Variants in ADAMTS9 observed in about 807,000 individuals in gnomAD.
ADAMTS9 encodes A disintegrin and metalloproteinase with thrombospondin motifs 9.
A neutral mutation model predicts 257.1 loss-of-function variants in ADAMTS9; 107 were observed. That is an observed-to-expected ratio of 0.42 (90% CI 0.36 to 0.49). The LOEUF is 0.49. ADAMTS9 is among the 20% of genes least tolerant of loss of function. The probability of loss-of-function intolerance (pLI) is 0.03; values close to 1 mark genes in which losing one functional copy is unlikely to be tolerated. For synonymous variants in ADAMTS9, 982 were observed against 880.9 expected (o/e 1.11, Z -2.03); for missense variants, 2,353 against 2,469.1 (o/e 0.95, Z 1.00).
Position 64,681,152 on chromosome 3 carries a change from T to G in ADAMTS9, c.679+49A>C, listed in dbSNP as rs151187630. The G allele has an allele frequency of 2.0e-4, 309 of 1,575,858 alleles. 2 individuals are homozygous for G. In the East Asian group the frequency reaches 6.1e-3, roughly 31 times the overall value. On this transcript the variant is annotated intron_variant, in intron 3 of 39. Coordinates refer to ENST00000498707, the MANE Select transcript of ADAMTS9 (RefSeq NM_182920.2). ...AGCTACATCTCTGTAGTATAGCAAT[T>G]TACCCATCTCAAAGAGCTGGGCTCT...
At position 64,541,186 on chromosome 3, in the gene ADAMTS9, G is replaced by A. The variant is rs140385164; in HGVS notation, c.5430C>T (p.Arg1810=). 1.4e-5 allele frequency: 23 copies of A among 1,614,014 alleles called. No individual in the cohort carries two copies. Among genetic ancestry groups the A allele is most frequent in the East Asian group, 2.2e-5 (1 of 44,888 alleles). ...PTECPYNGSR[R]DDCQCRKDYT... ...AATCCTTCCGACATTGGCAGTCATC[G>A]CGCCGGCTCCCGTTATAGGGACATT... The change falls in exon 36 of 40, where the codon CGC becomes CGT. Residue 1810 remains arginine (R), a synonymous_variant. Coordinates refer to ENST00000498707, the MANE Select transcript of ADAMTS9 (RefSeq NM_182920.2).
chr3:64,680,474 A>G (rs991799455), intron 3 of ADAMTS9, among the ~76,000 whole-genome samples: 1 of 152,186 alleles, frequency 6.6e-6, no homozygotes, highest in African/African-American at 2.4e-5. Context: ...TGAGGCAGTG[A>G]AGTGTTGCTA....
chr3:64,520,034 C>G (rs374529058), intron 39 of ADAMTS9, among the ~76,000 whole-genome samples: 1 of 152,076 alleles, frequency 6.6e-6, no homozygotes, highest in Non-Finnish European at 1.5e-5. Context: ...TGATTCTATA[C>G]AAAGAAAACC....
rs551592827 is a variant in ADAMTS9 at position 64,526,810 on chromosome 3, T to C, written c.5719-4550A>G. 2.0e-5 allele frequency among the ~76,000 whole-genome samples: 3 copies of C among 152,328 alleles called. No individual in the cohort carries two copies. In the East Asian group the frequency reaches 5.8e-4, roughly 29 times the overall value. On this transcript the variant is annotated intron_variant, in intron 38 of 39. Transcript: ENST00000498707. ...TTTGCTGTAAAGGAGATAATGCATGTAATGTGCTTAGCATAGTACTTGGCC... is the reference window on the plus strand; with the variant it reads ...TTTGCTGTAAAGGAGATAATGCATGCAATGTGCTTAGCATAGTACTTGGCC...
At chr3:64,565,951 G>A (rs188522062) in intron 29 of ADAMTS9, among the ~76,000 whole-genome samples, 2,040 of 152,240 alleles carry the variant, frequency 0.013, 25 homozygotes, top group Non-Finnish European at 0.022. Context: ...ATCAATACTA[G>A]CAGAGAAACT....
At position 64,687,975 on chromosome 3, in the gene ADAMTS9, G is replaced by C. The variant is rs1464075983; in HGVS notation, c.-318C>G. 1 of 203,588 alleles carries C rather than the reference G, an allele frequency of 4.9e-6. No individual in the cohort carries two copies. The highest frequency in any genetic ancestry group is 9.8e-6 in the Non-Finnish European group (1 of 102,386). The allele number at this position is 203,588 out of a possible 1,614,324, so 12.6% of individuals were successfully genotyped here. On this transcript the variant is annotated 5_prime_UTR_variant, in exon 1 of 40. Coordinates refer to ENST00000498707, the MANE Select transcript of ADAMTS9 (RefSeq NM_182920.2). The surrounding 1 kb of genome is among the most constrained non-coding windows in gnomAD (Gnocchi z 4.4). The stretch of plus-strand genomic sequence containing the variant: ...GGGCAGGAGAAGGCGAGGAACTTGC[G>C]CTCCGAGGCGCGCCGGGCGCCCTGT...
chr3:64,549,577 C>T lies in ADAMTS9; in HGVS notation c.4869+1315G>A, dbSNP rs540094854. On this transcript the variant is annotated intron_variant, in intron 31 of 39. Transcript: ENST00000498707. ...CTCCTCTTCACTCTCTAAGGGCATG[C>T]GGTACTACTCAGGGCATACCGAGAA... is the stretch of plus-strand genomic sequence containing the variant. 1.8e-4 allele frequency among the ~76,000 whole-genome samples: 28 copies of T among 152,270 alleles called. No homozygotes were observed. The South Asian group carries it at 2.9e-3, about 16-fold the overall frequency.
At chr3:64,613,972 T>C (rs192288660) in intron 21 of ADAMTS9, among the ~76,000 whole-genome samples, 1 of 152,318 alleles carries the variant, frequency 6.6e-6, no homozygotes, top group Admixed American at 6.5e-5. Flanking sequence ...ACAATGTTCA[T>C]TTAATAAATG....
intron 8 of ADAMTS9, among the ~76,000 whole-genome samples, chr3:64,651,608 T>C (rs1700933129): frequency 6.6e-6 from 1 of 152,152 alleles, no homozygotes; most frequent in African/African-American, 2.4e-5. Context: ...AGCTTTCTAA[T>C]AAGAGGCTCA....
At chr3:64,677,287 G>T (rs987650756) in intron 3 of ADAMTS9, among the ~76,000 whole-genome samples, 14 of 152,004 alleles carry the variant, frequency 9.2e-5, no homozygotes, top group Non-Finnish European at 5.9e-5. Context: ...CTCACAAATA[G>T]GATGAAAAGA....
chr3:64,535,644 C>G (rs2083040548), intron 37 of ADAMTS9, among the ~76,000 whole-genome samples: 1 of 151,070 alleles, frequency 6.6e-6, no homozygotes, highest in Admixed American at 6.6e-5. Context: ...ACCTCTGCCT[C>G]CCGGGTTCAA....
chr3:64,648,400 A>G (rs1458225493), intron 10 of ADAMTS9, among the ~76,000 whole-genome samples: 1 of 152,174 alleles, frequency 6.6e-6, no homozygotes, highest in African/African-American at 2.4e-5. Flanking sequence ...CTTTTACTAC[A>G]AATGCATATA....
chr3:64,627,136 A>T (rs962103926), intron 16 of ADAMTS9, among the ~76,000 whole-genome samples: 1 of 152,202 alleles, frequency 6.6e-6, no homozygotes, highest in African/African-American at 2.4e-5. Context: ...CTGTAAATCA[A>T]GTGATAATCC....
At chr3:64,562,437 T>G (rs1481206091) in intron 29 of ADAMTS9, among the ~76,000 whole-genome samples, 1 of 152,222 alleles carries the variant, frequency 6.6e-6, no homozygotes, top group Non-Finnish European at 1.5e-5. Context: ...TGAAACATTT[T>G]GCTGACCAAC....
intron 3 of ADAMTS9, among the ~76,000 whole-genome samples, chr3:64,661,842 A>G (rs1320412727): frequency 1.3e-5 from 2 of 152,098 alleles, no homozygotes; most frequent in African/African-American, 4.8e-5. Context: ...TAAATATTAC[A>G]ATTTGATTTA....
intron 38 of ADAMTS9, among the ~76,000 whole-genome samples, chr3:64,529,593 A>G (rs1425887754): frequency 1.3e-5 from 2 of 152,200 alleles, no homozygotes; most frequent in Non-Finnish European, 2.9e-5. Context: ...CGTAGTAGGT[A>G]TCGAGTGGGA....
At chr3:64,636,643 A>G (rs28430651) in intron 12 of ADAMTS9, among the ~76,000 whole-genome samples, 2,484 of 152,328 alleles carry the variant, frequency 0.016, 74 homozygotes, top group African/African-American at 0.054. Context: ...TGAGCTAAGA[A>G]TAAGTTTTAA....
intron 16 of ADAMTS9, among the ~76,000 whole-genome samples, chr3:64,630,644 G>A (rs1341212797): frequency 6.6e-6 from 1 of 152,148 alleles, no homozygotes; most frequent in Non-Finnish European, 1.5e-5. Flanking sequence ...GCAAGGGAGA[G>A]CATCAGGAAA....
At chr3:64,674,535 T>C (rs1701577582) in intron 3 of ADAMTS9, among the ~76,000 whole-genome samples, 1 of 152,220 alleles carries the variant, frequency 6.6e-6, no homozygotes, top group Admixed American at 6.5e-5. Flanking sequence ...GAAATAACCA[T>C]AATGTGCTTC....
Sources: gnomAD v4.1 joint callset for allele counts (sites outside exome capture counted in the v4.1 genomes callset) on GRCh38, gnomAD v4.1.1 for gene constraint, Gnocchi (gnomAD v3.1) non-coding constraint, MANE v1.5 for transcripts, NCBI Gene and HGNC (gene_info 2026-07-23, HGNC 2026-07-21) for gene names.